Variants in RASSF8 observed in about 807,000 individuals in gnomAD.
RASSF8 encodes ras association domain-containing protein 8.
A neutral mutation model predicts 48.5 loss-of-function variants in RASSF8; 22 were observed. That is an observed-to-expected ratio of 0.45 (90% CI 0.32 to 0.65). The LOEUF (loss-of-function observed/expected upper bound fraction) is 0.65. Among genes scored for constraint, RASSF8 ranks in the 30% least tolerant of loss-of-function variants. The probability of loss-of-function intolerance (pLI) is 0.03; values close to 1 mark genes in which losing one functional copy is unlikely to be tolerated. For missense variants in RASSF8, 418 were observed against 489.2 expected (o/e 0.85, Z 1.37); for synonymous variants, 127 against 171.5 (o/e 0.74, Z 2.03).
In RASSF8 at chr12:26,055,338, T is replaced by A. The variant is rs778202554; in HGVS notation, c.-6T>A. 6.8e-6 allele frequency: 11 copies of A among 1,613,366 alleles called. No homozygotes were observed. In the South Asian group the frequency reaches 1.1e-4, roughly 16 times the overall value. On this transcript the variant is annotated 5_prime_UTR_variant, in exon 3 of 6. Transcript: ENST00000689635. ...TCAGGGACCTTGAGTGACTGGCCGGTGCACCATGGAACTTAAAGTATGGGT... is the reference window on the plus strand; with the variant it reads ...TCAGGGACCTTGAGTGACTGGCCGGAGCACCATGGAACTTAAAGTATGGGT...
intron 2 of RASSF8, among the ~76,000 whole-genome samples, chr12:26,012,964 C>G (rs1942565992): frequency 6.6e-6 from 1 of 152,208 alleles, no homozygotes; most frequent in Non-Finnish European, 1.5e-5. Context: ...GCATGAGCCA[C>G]TGCACCTGGC....
At chr12:25,991,816 T>C (rs1336350334) in intron 1 of RASSF8, among the ~76,000 whole-genome samples, 1 of 152,178 alleles carries the variant, frequency 6.6e-6, no homozygotes, top group African/African-American at 2.4e-5. Flanking sequence ...CACAAGGGTG[T>C]GAAAACCATT....
intron 1 of RASSF8, among the ~76,000 whole-genome samples, chr12:25,975,729 G>A (rs1205971192): frequency 6.6e-6 from 1 of 152,198 alleles, no homozygotes; most frequent in Non-Finnish European, 1.5e-5. Flanking sequence ...GGAAAGAGGA[G>A]AAACAGAGGA....
At chr12:25,975,083 T>G (rs1941574011) in intron 1 of RASSF8, among the ~76,000 whole-genome samples, 1 of 152,202 alleles carries the variant, frequency 6.6e-6, no homozygotes. Context: ...TGGAAAGATC[T>G]TCCTAAGTCC....
chr12:25,973,846 C>T (rs1378253102), intron 1 of RASSF8: 2 of 152,224 alleles, frequency 1.3e-5, no homozygotes, highest in South Asian at 2.1e-4. Context: ...TCATGAACTT[C>T]CCAGTCTCCA....
At chr12:26,005,539 A>G (rs959588941) in intron 2 of RASSF8, among the ~76,000 whole-genome samples, 8 of 152,232 alleles carry the variant, frequency 5.3e-5, no homozygotes, top group Non-Finnish European at 1.5e-5. Context: ...AGGTTAGAAT[A>G]TAAAATCTTT....
intron 2 of RASSF8, among the ~76,000 whole-genome samples, chr12:26,028,041 GGGTCTT>G (rs770317423): frequency 3.9e-5 from 6 of 152,308 alleles, no homozygotes; most frequent in Non-Finnish European, 8.8e-5. Context: ...TGCAGCATCG[GGGTCTT>G]GGTGAACCTG....
intron 3 of RASSF8, among the ~76,000 whole-genome samples, chr12:26,064,056 G>A (rs1368231317): frequency 2.0e-5 from 3 of 152,144 alleles, no homozygotes; most frequent in Admixed American, 2.0e-4. Context: ...AAAAAGCCGA[G>A]GGATTTCCAC....
intron 1 of RASSF8, among the ~76,000 whole-genome samples, chr12:25,986,424 C>A (rs1028861016): frequency 7.9e-5 from 12 of 152,152 alleles, no homozygotes; most frequent in African/African-American, 2.9e-4. Flanking sequence ...TCTGTGTTAC[C>A]TCTAGAATGT....
intron 2 of RASSF8, among the ~76,000 whole-genome samples, chr12:26,009,002 A>C (rs1463492737): frequency 1.3e-5 from 2 of 152,194 alleles, no homozygotes; most frequent in African/African-American, 4.8e-5. Context: ...CTTCCAGATC[A>C]GTCCAGTGTT....
intron 2 of RASSF8, among the ~76,000 whole-genome samples, chr12:26,008,686 CAT>C (rs1491536265): frequency 2.0e-5 from 3 of 152,168 alleles, no homozygotes; most frequent in Non-Finnish European, 2.9e-5. Flanking sequence ...AAAATAATGT[CAT>C]ATGGGTGGCT....
At chr12:25,959,352 C>G (rs968495569) in intron 1 of RASSF8, 2 of 152,374 alleles carry the variant, frequency 1.3e-5, no homozygotes, top group African/African-American at 4.8e-5. Flanking sequence ...CCCTTTGCGC[C>G]TCTCCTCGCG....
intron 3 of RASSF8, among the ~76,000 whole-genome samples, chr12:26,060,764 T>C (rs1199350389): frequency 6.6e-6 from 1 of 152,200 alleles, no homozygotes; most frequent in African/African-American, 2.4e-5. Flanking sequence ...AAGCAAAATA[T>C]CTACTATCAG....
At chr12:26,022,897 A>G (rs1336216971) in intron 2 of RASSF8, among the ~76,000 whole-genome samples, 1 of 152,050 alleles carries the variant, frequency 6.6e-6, no homozygotes, top group Non-Finnish European at 1.5e-5. Context: ...ATGTGCCTTC[A>G]CAGCCTGTAA....
chr12:25,968,197 T>C (rs1379695093), intron 1 of RASSF8, among the ~76,000 whole-genome samples: 1 of 152,228 alleles, frequency 6.6e-6, no homozygotes, highest in African/African-American at 2.4e-5. Context: ...CAGGCATCCA[T>C]ATCTTAATTG....
intron 2 of RASSF8, among the ~76,000 whole-genome samples, chr12:26,034,704 C>T (rs951541091): frequency 1.3e-5 from 2 of 152,100 alleles, no homozygotes; most frequent in African/African-American, 4.8e-5. Flanking sequence ...GAACCTCCTA[C>T]TTTTTACATC....
At chr12:26,040,891 GTT>G (rs113609672) in intron 2 of RASSF8, among the ~76,000 whole-genome samples, 8 of 141,916 alleles carry the variant, frequency 5.6e-5, no homozygotes, top group East Asian at 2.1e-4. Flanking sequence ...ATTATACATA[GTT>G]TTTTTTTTTT....
At chr12:26,034,339 C>T (rs1160897041) in intron 2 of RASSF8, among the ~76,000 whole-genome samples, 1 of 151,660 alleles carries the variant, frequency 6.6e-6, no homozygotes, top group Non-Finnish European at 1.5e-5. Flanking sequence ...TTTGGCTTCC[C>T]TGGGCCACAT....
intron 1 of RASSF8, among the ~76,000 whole-genome samples, chr12:25,960,259 TGGAGTTGCCA>T (rs942630201): frequency 6.6e-6 from 1 of 152,186 alleles, no homozygotes; most frequent in African/African-American, 2.4e-5. Context: ...CCTTTCATCT[TGGAGTTGCCA>T]GGAGTTGCCA....
Sources: gnomAD v4.1 joint callset for allele counts (sites outside exome capture counted in the v4.1 genomes callset) on GRCh38, gnomAD v4.1.1 for gene constraint, MANE v1.5 for transcripts, NCBI Gene and HGNC (gene_info 2026-07-23, HGNC 2026-07-21) for gene names.